SPRY3: variants seen among roughly 807,000 people sequenced by gnomAD.
SPRY3 encodes sprouty RTK signaling antagonist 3, also known as protein sprouty homolog 3.
In SPRY3, 15 loss-of-function variants were observed where a neutral mutation model predicts 20.2. The observed-to-expected ratio is 0.74, with a 90% CI of 0.50 to 1.14. The LOEUF is 1.14. Ranked by LOEUF, SPRY3 falls within the 50% of genes most tolerant of loss-of-function variation. The pLI, the probability that SPRY3 is intolerant of heterozygous loss-of-function variation, is 0.00. For missense variants in SPRY3, 364 were observed against 363.9 expected (o/e 1.00, Z 0.00); for synonymous variants, 143 against 136.5 (o/e 1.05, Z -0.33).
chrX:155,725,326 A>G (rs1417094092), intron 2 of SPRY3, among the ~76,000 whole-genome samples: 2 of 152,142 alleles, frequency 1.3e-5, no homozygotes, highest in African/African-American at 4.8e-5. Flanking sequence ...GATGATGCTG[A>G]CCTCATAAAA....
At chrX:155,632,479 C>G (rs1011245685) in intron 1 of SPRY3, among the ~76,000 whole-genome samples, 1 of 111,734 alleles carries the variant, frequency 8.9e-6, no homozygotes, top group Non-Finnish European at 1.9e-5. Context: ...ACAAGACTCA[C>G]TCATGCTTGT....
chrX:155,780,194 T>G (rs700449), downstream of SPRY3: 5 of 166,824 alleles, frequency 3.0e-5, no homozygotes, highest in Admixed American at 2.0e-4. Flanking sequence ...CAAACTAACC[T>G]GGCAATCCTT....
chrX:155,774,355 C>T (rs370755875), exon 4 of SPRY3: 8 of 1,613,868 alleles, frequency 5.0e-6, no homozygotes, highest in South Asian at 2.2e-5. Context: ...CACAGCAGCT[C>T]GCCCTCTCCC....
At chrX:155,765,658 G>C (rs768518230) in intron 2 of SPRY3, among the ~76,000 whole-genome samples, 3 of 152,118 alleles carry the variant, frequency 2.0e-5, no homozygotes, top group African/African-American at 7.2e-5. Flanking sequence ...AGGTAAGAAG[G>C]CTGAATAATC....
At chrX:155,717,780 C>T (rs1352291529) in intron 2 of SPRY3, among the ~76,000 whole-genome samples, 1 of 152,050 alleles carries the variant, frequency 6.6e-6, no homozygotes, top group East Asian at 1.9e-4. Flanking sequence ...TTATAAGTGC[C>T]ACATTTTCTT....
rs765424052 is a variant in SPRY3, at chrX:155,685,252, G to T, written c.-282+28227G>T. The stretch of plus-strand genomic sequence containing the variant: ...ATAGAATTTTTGTTATTGTTCCACA[G>T]GTCTCTGAGGTTCATTTTTTCAATC... On this transcript the variant is annotated intron_variant, in intron 2 of 3. Coordinates refer to ENST00000675360, the Ensembl canonical transcript of SPRY3. Among the ~76,000 whole-genome samples the T allele has an allele frequency of 2.7e-5, 3 of 111,226 alleles. No homozygotes were observed. The South Asian group carries it at 1.1e-3, about 42-fold the overall frequency.
chrX:155,721,373 T>A (rs2091056487), intron 2 of SPRY3, among the ~76,000 whole-genome samples: 1 of 151,496 alleles, frequency 6.6e-6, no homozygotes, highest in African/African-American at 2.4e-5. Context: ...TAGGGGAGGG[T>A]AGAAAGTTTA....
chrX:155,695,471 C>T, intron 2 of SPRY3, among the ~76,000 whole-genome samples: 1 of 109,889 alleles, frequency 9.1e-6, no homozygotes, highest in African/African-American at 3.3e-5. Context: ...TTAATGTATT[C>T]TGATTGAAAT....
At chrX:155,656,579 T>G (rs1472725394) in intron 1 of SPRY3, among the ~76,000 whole-genome samples, 1 of 111,363 alleles carries the variant, frequency 9.0e-6, no homozygotes, top group East Asian at 2.8e-4. Flanking sequence ...TTACTGACCT[T>G]CTGAAGCCTA....
intron 2 of SPRY3, among the ~76,000 whole-genome samples, chrX:155,713,566 C>T (rs755521428): frequency 2.0e-5 from 3 of 152,236 alleles, no homozygotes; most frequent in South Asian, 2.1e-4. Context: ...AAGTCTGCTG[C>T]CAGACATATT....
chrX:155,750,313 A>C (rs1410635293), intron 2 of SPRY3, among the ~76,000 whole-genome samples: 1 of 151,804 alleles, frequency 6.6e-6, no homozygotes, highest in African/African-American at 2.4e-5. Context: ...TTGAAAAACT[A>C]ACTGTTGGGT....
chrX:155,762,386 A>C (rs906478365), intron 2 of SPRY3, among the ~76,000 whole-genome samples: 4 of 152,210 alleles, frequency 2.6e-5, no homozygotes, highest in Non-Finnish European at 5.9e-5. Context: ...GTATAACTAC[A>C]TTGTCATGAG....
At chrX:155,642,797 T>C (rs5983754) in intron 1 of SPRY3, among the ~76,000 whole-genome samples, 155 of 112,129 alleles carry the variant, frequency 1.4e-3, no homozygotes, top group African/African-American at 4.9e-3. Context: ...AAAATTCTTC[T>C]TGTTGTTGAT....
chrX:155,723,719 C>A (rs2091078243), intron 2 of SPRY3, among the ~76,000 whole-genome samples: 1 of 152,000 alleles, frequency 6.6e-6, no homozygotes, highest in African/African-American at 2.4e-5. Flanking sequence ...AAAATTTTCT[C>A]CCATTCTCTA....
At chrX:155,689,801 T>G (rs2068098277) in intron 2 of SPRY3, among the ~76,000 whole-genome samples, 1 of 86,858 alleles carries the variant, frequency 1.2e-5, no homozygotes, top group South Asian at 4.8e-4. Context: ...GAATGGTTTC[T>G]CATGTCTCAA....
chrX:155,713,044 T>A (rs1569383211), intron 2 of SPRY3, among the ~76,000 whole-genome samples: 1 of 152,064 alleles, frequency 6.6e-6, no homozygotes, highest in Non-Finnish European at 1.5e-5. Flanking sequence ...ACTGTCTGTG[T>A]CTTGAAAAGT....
At chrX:155,765,164 A>G (rs1290547554) in intron 2 of SPRY3, among the ~76,000 whole-genome samples, 1 of 152,162 alleles carries the variant, frequency 6.6e-6, no homozygotes, top group Non-Finnish European at 1.5e-5. Context: ...AATTTTGGAG[A>G]GACACAAATA....
At chrX:155,728,350 C>T (rs2091113122) in intron 2 of SPRY3, among the ~76,000 whole-genome samples, 1 of 152,204 alleles carries the variant, frequency 6.6e-6, no homozygotes, top group Non-Finnish European at 1.5e-5. Flanking sequence ...TCAGAGTTGT[C>T]AGACAGGGAC....
chrX:155,739,938 A>C, intron 2 of SPRY3, among the ~76,000 whole-genome samples: 1 of 152,232 alleles, frequency 6.6e-6, no homozygotes, highest in South Asian at 2.1e-4. Context: ...CACCTTTCCA[A>C]CAAGGGCACA....
Sources: allele counts gnomAD v4.1 joint callset (sites outside exome capture counted in the v4.1 genomes callset), GRCh38; gene constraint gnomAD v4.1.1; transcripts MANE v1.5; gene names NCBI Gene and HGNC (gene_info 2026-07-23, HGNC 2026-07-21).